CDH6: variants seen among roughly 807,000 people sequenced by gnomAD.
CDH6 encodes the protein cadherin 6.
In CDH6, 31 loss-of-function variants were observed where a neutral mutation model predicts 78.0. The ratio of observed to expected loss-of-function variants is 0.40; its 90% CI spans 0.30 to 0.54. The LOEUF (loss-of-function observed/expected upper bound fraction) is 0.54, where lower values mean the gene tolerates loss of function less well. CDH6 is among the 20% of genes least tolerant of loss of function. The pLI is 0.56. For synonymous variants in CDH6, 376 were observed against 368.8 expected, an observed-to-expected ratio of 1.02 and a Z score of -0.23; for missense variants, 724 against 975.9, an observed-to-expected ratio of 0.74 and a Z score of 3.44.
intron 1 of CDH6, among the ~76,000 whole-genome samples, chr5:31,223,015 CCTCT>C (rs1175150119): frequency 6.6e-6 from 1 of 151,862 alleles, no homozygotes; most frequent in Non-Finnish European, 1.5e-5. Flanking sequence ...TCTCACTTTT[CCTCT>C]CTCTTACTCT....
chr5:31,208,655 A>G (rs1033371493), intron 1 of CDH6, among the ~76,000 whole-genome samples: 1 of 152,244 alleles, frequency 6.6e-6, no homozygotes, highest in Admixed American at 6.5e-5. Flanking sequence ...AGTATGATAA[A>G]CTTTGCTTAT....
At chr5:31,206,108 T>C (rs192004551) in intron 1 of CDH6, among the ~76,000 whole-genome samples, 8 of 152,194 alleles carry the variant, frequency 5.3e-5, no homozygotes, top group African/African-American at 1.9e-4. Context: ...TCTATATACA[T>C]GTACTGAGAT....
intron 2 of CDH6, among the ~76,000 whole-genome samples, chr5:31,291,824 G>A (rs916991398): frequency 6.6e-6 from 1 of 152,142 alleles, no homozygotes; most frequent in African/African-American, 2.4e-5. Context: ...CTCAAATCAT[G>A]GGATGCTCTT....
chr5:31,207,907 G>A (rs540871720), intron 1 of CDH6, among the ~76,000 whole-genome samples: 9 of 152,322 alleles, frequency 5.9e-5, no homozygotes, highest in African/African-American at 1.9e-4. Flanking sequence ...CTTGGTGCCT[G>A]TTGGGGTGAT....
At chr5:31,308,195 A>G (rs1273648254) in intron 7 of CDH6, among the ~76,000 whole-genome samples, 4 of 152,176 alleles carry the variant, frequency 2.6e-5, no homozygotes, top group African/African-American at 9.6e-5. Flanking sequence ...GCACTGATTT[A>G]TCATTACACA....
At chr5:31,274,130 T>C (rs922481362) in intron 2 of CDH6, among the ~76,000 whole-genome samples, 1 of 152,272 alleles carries the variant, frequency 6.6e-6, no homozygotes, top group Non-Finnish European at 1.5e-5. Context: ...ACTTGCTCAT[T>C]GGATATACTT....
In CDH6 at chr5:31,326,063, T is replaced by C. The variant is rs1412957376; in HGVS notation, c.*2755T>C. Reference sequence around the variant, plus strand: ...AGGTCCCAGGCAACATGAAAGATTATTGGAGAAAAAAATAATTTTCAGCCC... The same window carrying C: ...AGGTCCCAGGCAACATGAAAGATTACTGGAGAAAAAAATAATTTTCAGCCC... On this transcript the variant is annotated 3_prime_UTR_variant, in exon 12 of 12. Coordinates refer to ENST00000265071, the MANE Select transcript of CDH6 (RefSeq NM_004932.4). The C allele has an allele frequency of 4.5e-6, 1 of 224,002 alleles. No individual in the cohort carries two copies. The highest frequency in any genetic ancestry group is 8.8e-6 in the Non-Finnish European group (1 of 114,024). The allele number at this position is 224,002 out of a possible 1,614,324, so 13.9% of individuals were successfully genotyped here. A position where few individuals can be genotyped will look rare whatever the true frequency, so the allele number is the denominator to read the frequency against.
At chr5:31,206,406 T>A (rs1425242939) in intron 1 of CDH6, among the ~76,000 whole-genome samples, 1 of 152,152 alleles carries the variant, frequency 6.6e-6, no homozygotes, top group Non-Finnish European at 1.5e-5. Flanking sequence ...ACAAGTGAGA[T>A]CAATTAATTA....
At chr5:31,226,701 C>A in intron 1 of CDH6, among the ~76,000 whole-genome samples, 1 of 152,112 alleles carries the variant, frequency 6.6e-6, no homozygotes, top group East Asian at 1.9e-4. Flanking sequence ...GAGAAGAAAA[C>A]GGTCAGTTCA....
Position 31,290,928 on chromosome 5 carries a change from C to T in CDH6, c.229-3034C>T, listed in dbSNP as rs551395857. 2.6e-5 allele frequency among the ~76,000 whole-genome samples: 4 copies of T among 152,360 alleles called. 1 individual carries two copies. The highest frequency in any genetic ancestry group is 7.2e-5 in the African/African-American group (3 of 41,580). On this transcript the variant is annotated intron_variant, in intron 2 of 11. Transcript: ENST00000265071. ...AAGCAACCCTTGCTCACACTCTTCT[C>T]ACTCTTCTTTAACGTCTCCTCTGCC...
chr5:31,317,589 C>A (rs903844172), intron 10 of CDH6, 84 bp from the exon 11 acceptor site: 1 of 1,535,106 alleles, frequency 6.5e-7, no homozygotes, highest in Non-Finnish European at 8.9e-7. Context: ...ATATCTGTAT[C>A]TATATCTATC....
intron 1 of CDH6, among the ~76,000 whole-genome samples, chr5:31,199,717 C>A (rs4867056): frequency 0.75 from 85,322 of 113,568 alleles, 33,288 homozygotes; most frequent in Middle Eastern, 0.87. Context: ...ATATATATAT[C>A]TCAAAGATAA....
chr5:31,287,841 G>A (rs1743050472), intron 2 of CDH6, among the ~76,000 whole-genome samples: 2 of 152,226 alleles, frequency 1.3e-5, no homozygotes, highest in Non-Finnish European at 2.9e-5. Flanking sequence ...GGCTGGTCCA[G>A]GGACCGCACT....
At chr5:31,298,977 A>T (rs2149949928) in intron 4 of CDH6, among the ~76,000 whole-genome samples, 2 of 152,332 alleles carry the variant, frequency 1.3e-5, no homozygotes, top group Middle Eastern at 6.8e-3. Flanking sequence ...TGGTAGGTGT[A>T]TCTGAGGGAT....
intron 1 of CDH6, among the ~76,000 whole-genome samples, chr5:31,255,989 C>T (rs562242247): frequency 1.3e-4 from 20 of 152,220 alleles, no homozygotes; most frequent in Middle Eastern, 3.4e-3. Flanking sequence ...AGTGTTTCAA[C>T]GCTAACAGGC....
At chr5:31,236,602 G>C (rs1241074699) in intron 1 of CDH6, among the ~76,000 whole-genome samples, 3 of 152,026 alleles carry the variant, frequency 2.0e-5, no homozygotes, top group African/African-American at 7.2e-5. Flanking sequence ...AACTTTGGCT[G>C]GCCTCTCTGC....
chr5:31,272,190 C>T (rs1742547208), intron 2 of CDH6, among the ~76,000 whole-genome samples: 2 of 152,100 alleles, frequency 1.3e-5, no homozygotes, highest in South Asian at 2.1e-4. Context: ...CCCAATTAAT[C>T]GGATGAAGAA....
intron 1 of CDH6, among the ~76,000 whole-genome samples, chr5:31,247,046 C>T (rs1741771470): frequency 6.6e-6 from 1 of 152,196 alleles, no homozygotes. Flanking sequence ...CTACCGCACC[C>T]GGCCTAAAGA....
intron 1 of CDH6, among the ~76,000 whole-genome samples, chr5:31,198,462 G>A (rs1216113257): frequency 6.6e-6 from 1 of 152,118 alleles, no homozygotes; most frequent in African/African-American, 2.4e-5. Flanking sequence ...AACGACTTAT[G>A]AAGAAGATGA....
Sources: gnomAD v4.1 joint callset for allele counts (sites outside exome capture counted in the v4.1 genomes callset) on GRCh38, gnomAD v4.1.1 for gene constraint, MANE v1.5 for transcripts, NCBI Gene and HGNC (gene_info 2026-07-23, HGNC 2026-07-21) for gene names.